SHISA9: variants seen among roughly 807,000 people sequenced by gnomAD.
SHISA9 encodes the protein shisa family member 9.
In SHISA9, 13 loss-of-function variants were observed where a neutral mutation model predicts 38.0. That is an observed-to-expected ratio of 0.34 (90% CI 0.22 to 0.54). The LOEUF (loss-of-function observed/expected upper bound fraction) is 0.54, where lower values mean the gene tolerates loss of function less well. Ranked by LOEUF, SHISA9 falls within the 20% of genes least tolerant of loss-of-function variation. The probability of loss-of-function intolerance (pLI) is 0.91; values close to 1 mark genes in which losing one functional copy is unlikely to be tolerated. For synonymous variants in SHISA9, 275 were observed against 242.0 expected (o/e 1.14, Z -1.27); for missense variants, 538 against 575.8 (o/e 0.93, Z 0.67).
intron 2 of SHISA9, among the ~76,000 whole-genome samples, chr16:13,173,147 A>ACGTG (rs199716889): frequency 1.0e-4 from 8 of 76,836 alleles, no homozygotes; most frequent in East Asian, 1.0e-3. Flanking sequence ...GAAGAGATGC[A>ACGTG]CGTGCGCACA....
At chr16:12,917,797 G>C (rs2141722828) in intron 2 of SHISA9, among the ~76,000 whole-genome samples, 2 of 152,294 alleles carry the variant, frequency 1.3e-5, no homozygotes, top group Middle Eastern at 3.4e-3. Flanking sequence ...TTCTAATGAT[G>C]CACATTTTTA....
intron 2 of SHISA9, among the ~76,000 whole-genome samples, chr16:12,921,899 CATT>C (rs1346290493): frequency 6.6e-6 from 1 of 152,158 alleles, no homozygotes; most frequent in Non-Finnish European, 1.5e-5. Flanking sequence ...ACACAGATAA[CATT>C]ATAAAACTCC....
chr16:12,936,123 T>C (rs987801796), intron 2 of SHISA9, among the ~76,000 whole-genome samples: 1 of 152,118 alleles, frequency 6.6e-6, no homozygotes, highest in African/African-American at 2.4e-5. Flanking sequence ...TGATGTCCCT[T>C]CGCTAGCAGG....
chr16:13,402,321 G>C, the SHISA9 span, among the ~76,000 whole-genome samples: 7 of 151,906 alleles, frequency 4.6e-5, no homozygotes, highest in Non-Finnish European at 1.5e-5. Flanking sequence ...CCTAAGGCCT[G>C]AGAACTGGGG....
intron 1 of SHISA9, among the ~76,000 whole-genome samples, chr16:12,916,201 G>T (rs1483180152): frequency 2.0e-5 from 3 of 152,092 alleles, no homozygotes; most frequent in African/African-American, 7.2e-5. Context: ...TTATCTGCAA[G>T]GAGTAATAAT....
intron 2 of SHISA9, among the ~76,000 whole-genome samples, chr16:12,935,185 T>C (rs1001456653): frequency 3.3e-5 from 5 of 152,128 alleles, no homozygotes; most frequent in East Asian, 1.9e-4. Flanking sequence ...CACCATAAAA[T>C]TGAGATGCTG....
chr16:12,946,721 A>C (rs1241927931), intron 2 of SHISA9, among the ~76,000 whole-genome samples: 7 of 152,216 alleles, frequency 4.6e-5, no homozygotes, highest in African/African-American at 1.7e-4. Flanking sequence ...AGACATTCTC[A>C]ATAGCCATGG....
the SHISA9 span, among the ~76,000 whole-genome samples, chr16:13,558,256 C>G: frequency 8.5e-5 from 13 of 152,154 alleles, no homozygotes; most frequent in African/African-American, 2.9e-4. Context: ...CTCTAAAATC[C>G]TTTCTAGCAT....
intron 2 of SHISA9, among the ~76,000 whole-genome samples, chr16:12,985,199 A>G (rs934804958): frequency 8.4e-5 from 11 of 131,100 alleles, no homozygotes; most frequent in South Asian, 6.8e-4. Context: ...CACCACAAAT[A>G]TCTACACTAT....
the SHISA9 span, among the ~76,000 whole-genome samples, chr16:13,258,627 A>G: frequency 2.0e-5 from 3 of 152,220 alleles, no homozygotes; most frequent in Admixed American, 2.0e-4. Flanking sequence ...TGATTTACAG[A>G]TTCTGAGGCT....
At chr16:12,936,270 G>A (rs552387323) in intron 2 of SHISA9, among the ~76,000 whole-genome samples, 1 of 152,242 alleles carries the variant, frequency 6.6e-6, no homozygotes, top group African/African-American at 2.4e-5. Flanking sequence ...AGCCTTTTGA[G>A]GGTTGCTAGG....
chr16:13,109,414 C>T (rs1358592988), intron 2 of SHISA9, among the ~76,000 whole-genome samples: 1 of 152,188 alleles, frequency 6.6e-6, no homozygotes, highest in Non-Finnish European at 1.5e-5. Context: ...GCTTGCATCT[C>T]TCCTCATGCT....
chr16:13,082,217 G>C (rs2073659148), intron 2 of SHISA9, among the ~76,000 whole-genome samples: 1 of 152,198 alleles, frequency 6.6e-6, no homozygotes, highest in African/African-American at 2.4e-5. Context: ...ATCATGCAAG[G>C]CTTTTTGCAT....
chr16:13,324,726 C>T, the SHISA9 span, among the ~76,000 whole-genome samples: 1 of 152,102 alleles, frequency 6.6e-6, no homozygotes, highest in East Asian at 1.9e-4. Flanking sequence ...AGATTAAGGA[C>T]CATAGCCCGT....
At chr16:13,449,186 T>C in the SHISA9 span, among the ~76,000 whole-genome samples, 1 of 152,138 alleles carries the variant, frequency 6.6e-6, no homozygotes, top group African/African-American at 2.4e-5. Context: ...AAATAGAGTA[T>C]AAAATTAAAT....
At chr16:13,397,423 T>C in the SHISA9 span, among the ~76,000 whole-genome samples, 9 of 151,876 alleles carry the variant, frequency 5.9e-5, no homozygotes, top group African/African-American at 1.9e-4. Flanking sequence ...TTGGTTTGTT[T>C]GTTTGTTTGT....
At chr16:13,420,142 A>G in the SHISA9 span, among the ~76,000 whole-genome samples, 1 of 138,890 alleles carries the variant, frequency 7.2e-6, no homozygotes, top group East Asian at 2.4e-4. Context: ...GCTACTCTGG[A>G]TGCTGAGGCA....
chr16:13,498,715 C>T, the SHISA9 span, among the ~76,000 whole-genome samples: 1 of 152,102 alleles, frequency 6.6e-6, no homozygotes, highest in African/African-American at 2.4e-5. Flanking sequence ...CAAGATCACA[C>T]CATTGCACTC....
chr16:13,452,899 T>A, the SHISA9 span, among the ~76,000 whole-genome samples: 1 of 151,558 alleles, frequency 6.6e-6, no homozygotes, highest in African/African-American at 2.4e-5. Context: ...TCCCTCACAT[T>A]GTATAGCTTT....
Sources: gnomAD v4.1 joint callset for allele counts (sites outside exome capture counted in the v4.1 genomes callset) on GRCh38, gnomAD v4.1.1 for gene constraint, MANE v1.5 for transcripts, NCBI Gene and HGNC (gene_info 2026-07-23, HGNC 2026-07-21) for gene names.